Variants in RDH12 observed in about 807,000 individuals in gnomAD.
RDH12 encodes the protein retinol dehydrogenase 12, also known as all-trans and 9-cis retinol dehydrogenase.
A neutral mutation model predicts 34.0 loss-of-function variants in RDH12; 21 were observed. That is an observed-to-expected ratio of 0.62 (90% CI 0.44 to 0.89). The LOEUF is 0.89. RDH12 is among the 40% of genes least tolerant of loss of function. The pLI, the probability that RDH12 is intolerant of heterozygous loss-of-function variation, is 0.00. For synonymous variants in RDH12, 198 were observed against 169.9 expected (o/e 1.17, Z -1.29); for missense variants, 394 against 398.6 (o/e 0.99, Z 0.10).
At chr14:67,729,924 C>G in intron 8 of RDH12, 1 of 418,068 alleles carries the variant, frequency 2.4e-6, no homozygotes, top group East Asian at 7.0e-5. Context: ...AATCTCTTTC[C>G]CATTCCATGA....
rs960331080 is a variant in RDH12, at chr14:67,725,191, G to C, written c.280G>C (p.Val94Leu). 1.9e-6 allele frequency: 3 copies of C among 1,614,174 alleles called. No individual in the cohort carries two copies. Among genetic ancestry groups the C allele is most frequent in the Non-Finnish European group, 2.5e-6 (3 of 1,180,042 alleles). Residue 94 changes from valine (V) to leucine (L), a missense_variant, in exon 5 of 9, where the codon GTG becomes CTG. Physicochemically the swap from Val to Leu is conservative, Grantham distance 32 (BLOSUM62 1). Transcript: ENST00000551171. ...GGATACAAAGAACTCCCAGGTGCTG[G>C]TGCGGAAATTGGACCTATCCGACAC... is the stretch of plus-strand genomic sequence containing the variant. ...RVDTKNSQVL[V>L]RKLDLSDTKS...
intron 1 of RDH12, among the ~76,000 whole-genome samples, chr14:67,702,836 C>G (rs1287917081): frequency 2.6e-5 from 4 of 152,092 alleles, no homozygotes; most frequent in Non-Finnish European, 5.9e-5. Flanking sequence ...TCTTTTGAAA[C>G]AGGGCCTCAC....
chr14:67,720,731 A>G (rs2038115390), intron 1 of RDH12, 117 bp from the exon 2 acceptor site: 1 of 152,258 alleles, frequency 6.6e-6, no homozygotes, highest in Non-Finnish European at 1.5e-5. Context: ...GGTACAACTT[A>G]TCAATGATAT....
At chr14:67,708,291 A>G (rs1442624554) in intron 1 of RDH12, among the ~76,000 whole-genome samples, 2 of 152,214 alleles carry the variant, frequency 1.3e-5, no homozygotes, top group Admixed American at 6.5e-5. Flanking sequence ...CTATCAGTTT[A>G]GTTTATGCAG....
chr14:67,708,486 T>C (rs1170269669), intron 1 of RDH12, among the ~76,000 whole-genome samples: 2 of 152,042 alleles, frequency 1.3e-5, no homozygotes, highest in Non-Finnish European at 2.9e-5. Context: ...AAGACAACAA[T>C]TGTCTGTGGA....
At chr14:67,725,322 C>A (rs1172604836) in intron 5 of RDH12, 68 bp downstream of exon 5, 2 of 1,496,400 alleles carry the variant, frequency 1.3e-6, no homozygotes, top group East Asian at 2.3e-5. Flanking sequence ...CACCCTAGAC[C>A]ATCTATGGCC....
intron 8 of RDH12, 24 bp from the exon 9 acceptor site, chr14:67,733,722 T>TCA: frequency 6.6e-7 from 1 of 1,517,242 alleles, no homozygotes; most frequent in South Asian, 1.1e-5. Flanking sequence ...TTCCTGGAAT[T>TCA]TACTGTCTTT....
chr14:67,702,074 C>T (rs1454372890), intron 1 of RDH12, 139 bp downstream of exon 1: 2 of 152,080 alleles, frequency 1.3e-5, no homozygotes, highest in African/African-American at 2.4e-5. Flanking sequence ...GCCTTGGCCT[C>T]CTAAAGCATT....
At chr14:67,724,791 C>G (rs1387595677) in intron 4 of RDH12, among the ~76,000 whole-genome samples, 200 bp downstream of exon 4, 1 of 152,176 alleles carries the variant, frequency 6.6e-6, no homozygotes, top group Non-Finnish European at 1.5e-5. Context: ...TATTCCCTCT[C>G]TATTAAATAA....
intron 3 of RDH12, 129 bp downstream of exon 3, chr14:67,722,839 A>G (rs2038141078): frequency 2.4e-6 from 2 of 831,660 alleles, no homozygotes; most frequent in Non-Finnish European, 4.1e-6. Flanking sequence ...GAAAAGCAGG[A>G]AGGAAGGGGG....
intron 1 of RDH12, among the ~76,000 whole-genome samples, chr14:67,709,314 A>G (rs940484173): frequency 6.6e-6 from 1 of 152,354 alleles, no homozygotes; most frequent in East Asian, 1.9e-4. Flanking sequence ...TAATTTTCCA[A>G]ACAATAAGCC....
intron 1 of RDH12, among the ~76,000 whole-genome samples, chr14:67,718,264 G>C (rs57862773): frequency 0.03 from 4,524 of 152,282 alleles, 97 homozygotes; most frequent in Middle Eastern, 0.051. Context: ...GTCTCATCTG[G>C]CTTCCAAAAT....
chr14:67,703,528 A>G (rs1431805004), intron 1 of RDH12, among the ~76,000 whole-genome samples: 4 of 152,228 alleles, frequency 2.6e-5, no homozygotes, highest in Non-Finnish European at 5.9e-5. Flanking sequence ...AAAAATATAT[A>G]GAGGTAGACA....
chr14:67,714,224 C>T (rs1169336616), intron 1 of RDH12, among the ~76,000 whole-genome samples: 3 of 152,178 alleles, frequency 2.0e-5, no homozygotes, highest in Non-Finnish European at 2.9e-5. Flanking sequence ...CAGCCTCCAC[C>T]TTCAGGGCTC....
Position 67,724,518 on chromosome 14 carries a change from T to C in RDH12, c.114T>C (p.Pro38=), listed in dbSNP as rs1384084935. The change falls in exon 4 of 9, where the codon CCT becomes CCC. Residue 38 remains proline (P), a synonymous_variant. Transcript: ENST00000551171. ...TGTGTAGAACAAATGTGCAGCTTCC[T>C]GGCAAGGTAGTGGTGATCACTGGCG... ...GGVCRTNVQL[P]GKVVVITGAN... 2 of 1,612,968 alleles carry C rather than the reference T, an allele frequency of 1.2e-6. No individual in the cohort carries two copies. Among genetic ancestry groups the C allele is most frequent in the Non-Finnish European group, 1.7e-6 (2 of 1,179,374 alleles).
chr14:67,729,863 A>G (rs1314880041), intron 8 of RDH12: 3 of 454,522 alleles, frequency 6.6e-6, no homozygotes, highest in Non-Finnish European at 1.3e-5. Context: ...GAATCTTATC[A>G]TGAACTCAAT....
intron 1 of RDH12, among the ~76,000 whole-genome samples, chr14:67,709,098 A>T (rs1466243777): frequency 1.3e-5 from 2 of 152,192 alleles, no homozygotes; most frequent in Non-Finnish European, 2.9e-5. Context: ...GCCCAACAAT[A>T]TCTTAAAGGA....
chr14:67,709,678 A>G (rs72723156), intron 1 of RDH12, among the ~76,000 whole-genome samples: 20,321 of 152,142 alleles, frequency 0.13, 1,398 homozygotes, highest in East Asian at 0.21. Context: ...TCAGGAATAC[A>G]GTTTATTTTG....
chr14:67,729,078 G>A, intron 7 of RDH12, 113 bp from the exon 8 acceptor site: 1 of 1,073,354 alleles, frequency 9.3e-7, no homozygotes, highest in Non-Finnish European at 1.4e-6. Context: ...CTGAATCCTG[G>A]GGTTATGTTT....
Sources: gnomAD v4.1 joint callset for allele counts (sites outside exome capture counted in the v4.1 genomes callset) on GRCh38, gnomAD v4.1.1 for gene constraint, MANE v1.5 for transcripts, NCBI Gene and HGNC (gene_info 2026-07-23, HGNC 2026-07-21) for gene names.